The following CDKAL1 variants were observed in gnomAD, a reference collection of about 807,000 sequenced individuals.
The protein encoded by CDKAL1 is CDKAL1 threonylcarbamoyladenosine tRNA methylthiotransferase.
Under a neutral mutation model 68.2 loss-of-function variants are expected in CDKAL1, and 32 were observed. The ratio of observed to expected loss-of-function variants is 0.47; its 90% CI spans 0.35 to 0.63. The LOEUF (loss-of-function observed/expected upper bound fraction) is 0.63. Among genes scored for constraint, CDKAL1 ranks in the 30% least tolerant of loss-of-function variants. CDKAL1 has a pLI of 0.00. For missense variants in CDKAL1, 606 were observed against 696.7 expected (o/e 0.87, Z 1.47); for synonymous variants, 234 against 244.3 (o/e 0.96, Z 0.39).
intron 10 of CDKAL1, among the ~76,000 whole-genome samples, chr6:20,974,753 C>T (rs769918877): frequency 1.3e-5 from 2 of 149,554 alleles, no homozygotes; most frequent in Non-Finnish European, 3.0e-5. Context: ...CCGAGGCTGA[C>T]AGATTGCTTG....
chr6:20,608,031 G>T (rs775328317), intron 4 of CDKAL1, among the ~76,000 whole-genome samples: 1 of 152,102 alleles, frequency 6.6e-6, no homozygotes, highest in East Asian at 1.9e-4. Context: ...ATAGCTCAGG[G>T]TACTTACATC....
chr6:20,811,663 C>T (rs985693095), intron 8 of CDKAL1, among the ~76,000 whole-genome samples: 2 of 151,964 alleles, frequency 1.3e-5, no homozygotes, highest in African/African-American at 4.8e-5. Context: ...TGGTGCTGTA[C>T]ACTGCATATT....
At chr6:20,698,438 T>A (rs1771199452) in intron 5 of CDKAL1, among the ~76,000 whole-genome samples, 1 of 152,178 alleles carries the variant, frequency 6.6e-6, no homozygotes. Flanking sequence ...TCCCCTAAAG[T>A]CCTTTTTCTG....
chr6:21,048,044 C>T (rs1423819005), intron 11 of CDKAL1, among the ~76,000 whole-genome samples: 2 of 152,190 alleles, frequency 1.3e-5, no homozygotes, highest in Non-Finnish European at 1.5e-5. Context: ...GCCCTCAACT[C>T]ACCCTGGAGT....
In CDKAL1 at chr6:20,676,048, T is replaced by TA. The variant is rs1188135560; in HGVS notation, c.371+26678dup. ...AAAGGTAAATTAAACGTTTTTTAAA[T>TA]AAAAAAAGGTTATGGAATAAAGATA... is the stretch of plus-strand genomic sequence containing the variant. On this transcript the variant is annotated intron_variant, in intron 5 of 15. Coordinates refer to ENST00000274695, the MANE Select transcript of CDKAL1 (RefSeq NM_017774.3). 9.2e-5 allele frequency among the ~76,000 whole-genome samples: 14 copies of TA among 152,042 alleles called. 2 individuals are homozygous for TA. In the South Asian group the frequency reaches 2.5e-3, roughly 27 times the overall value.
At chr6:20,602,933 T>A (rs545758800) in intron 4 of CDKAL1, among the ~76,000 whole-genome samples, 2 of 152,278 alleles carry the variant, frequency 1.3e-5, no homozygotes, top group Admixed American at 1.3e-4. Flanking sequence ...GTAATTTTTG[T>A]TTTGGGTCTC....
intron 12 of CDKAL1, among the ~76,000 whole-genome samples, chr6:21,072,186 CG>C (rs376418465): frequency 1.3e-5 from 2 of 152,084 alleles, no homozygotes; most frequent in African/African-American, 4.8e-5. Flanking sequence ...TCAGGCTCTG[CG>C]TATTTACTTC....
At chr6:20,625,881 C>T (rs1484311928) in intron 4 of CDKAL1, among the ~76,000 whole-genome samples, 2 of 152,056 alleles carry the variant, frequency 1.3e-5, no homozygotes, top group Non-Finnish European at 2.9e-5. Context: ...CCAATTTTAA[C>T]TTATTACTCT....
chr6:20,609,379 T>C (rs1328402106), intron 4 of CDKAL1, among the ~76,000 whole-genome samples: 8 of 103,364 alleles, frequency 7.7e-5, no homozygotes, highest in South Asian at 3.6e-4. Context: ...TTCTCCTTCT[T>C]CTTCTTCTTC....
rs527494033 is a variant in CDKAL1 at position 20,594,180 on chromosome 6, T to C, written c.286+45475T>C. On this transcript the variant is annotated intron_variant, in intron 4 of 15. Transcript: ENST00000274695. The stretch of plus-strand genomic sequence containing the variant: ...GATTTGGGGTGGAGAGTTCTGTAGA[T>C]GTCTATTAGGTCTGCTTGTTCCAGA... Among the ~76,000 whole-genome samples the C allele has an allele frequency of 6.6e-5, 10 of 152,350 alleles. No homozygotes were observed. In the South Asian group the frequency reaches 2.1e-3, roughly 32 times the overall value.
chr6:20,924,651 C>A lies in CDKAL1; in HGVS notation c.743-30768C>A, dbSNP rs957965602. On this transcript the variant is annotated intron_variant, in intron 9 of 15. Transcript: ENST00000274695. ...CTAACTCTGTTCAATTCTGTGAAGGCTGAGAGAGATGAGCAAGCTGCAGAA... is the reference window on the plus strand; with the variant it reads ...CTAACTCTGTTCAATTCTGTGAAGGATGAGAGAGATGAGCAAGCTGCAGAA... Among the ~76,000 whole-genome samples, 4 of 152,276 alleles carry A rather than the reference C, an allele frequency of 2.6e-5. 1 individual carries two copies. The highest frequency in any genetic ancestry group is 5.9e-5 in the Non-Finnish European group (4 of 68,020).
intron 13 of CDKAL1, among the ~76,000 whole-genome samples, chr6:21,128,400 T>C (rs538369806): frequency 6.6e-6 from 1 of 152,358 alleles, no homozygotes; most frequent in African/African-American, 2.4e-5. Flanking sequence ...CCACATCATA[T>C]GTTGAGAATC....
chr6:20,667,237 A>G (rs1049672628), intron 5 of CDKAL1, among the ~76,000 whole-genome samples: 6 of 152,330 alleles, frequency 3.9e-5, no homozygotes, highest in African/African-American at 1.4e-4. Flanking sequence ...TATTTCTTGA[A>G]TGCCTACTAT....
At chr6:21,104,299 G>A (rs938984488) in intron 12 of CDKAL1, among the ~76,000 whole-genome samples, 1 of 152,160 alleles carries the variant, frequency 6.6e-6, no homozygotes, top group Non-Finnish European at 1.5e-5. Flanking sequence ...CAGTATATAG[G>A]TTATGATTGG....
chr6:20,692,083 GA>G (rs1438852713), intron 5 of CDKAL1, among the ~76,000 whole-genome samples: 14 of 152,248 alleles, frequency 9.2e-5, no homozygotes, highest in Non-Finnish European at 1.9e-4. Context: ...TGCTTACCCT[GA>G]ATACTAAGAC....
intron 4 of CDKAL1, among the ~76,000 whole-genome samples, chr6:20,600,222 G>A (rs1378769712): frequency 6.6e-6 from 1 of 152,098 alleles, no homozygotes; most frequent in Admixed American, 6.6e-5. Context: ...GCTATGTGGA[G>A]TTGGCAATTC....
At chr6:20,589,477 T>C (rs1258439425) in intron 4 of CDKAL1, among the ~76,000 whole-genome samples, 2 of 152,206 alleles carry the variant, frequency 1.3e-5, no homozygotes, top group African/African-American at 4.8e-5. Context: ...GTAAGTAGAA[T>C]TTCTGTTTCT....
At chr6:20,611,790 T>C (rs945438235) in intron 4 of CDKAL1, among the ~76,000 whole-genome samples, 1 of 152,152 alleles carries the variant, frequency 6.6e-6, no homozygotes, top group Non-Finnish European at 1.5e-5. Context: ...AAATATACAA[T>C]ATATTGTTGC....
At chr6:20,751,711 T>C (rs537610708) in intron 6 of CDKAL1, among the ~76,000 whole-genome samples, 4 of 152,360 alleles carry the variant, frequency 2.6e-5, no homozygotes, top group Admixed American at 6.5e-5. Flanking sequence ...ATTAATGTTA[T>C]TTATGAATTG....
Sources: allele counts gnomAD v4.1 joint callset (sites outside exome capture counted in the v4.1 genomes callset), GRCh38; gene constraint gnomAD v4.1.1; transcripts MANE v1.5; gene names NCBI Gene and HGNC (gene_info 2026-07-23, HGNC 2026-07-21).